ZNG1B: variants seen among roughly 807,000 people sequenced by gnomAD.
ZNG1B encodes Zn regulated GTPase metalloprotein activator 1B, also known as zinc-regulated GTPase metalloprotein activator 1B.
At chr2:113,494,946 A>C in the ZNG1B span, 1 of 891,010 alleles carries the variant, frequency 1.1e-6, no homozygotes, top group Non-Finnish European at 1.5e-6. Context: ...AATTAAAAAC[A>C]TTAAGAAACT....
At chr2:113,443,457 G>A in the ZNG1B span, among the ~76,000 whole-genome samples, 1,699 of 151,590 alleles carry the variant, frequency 0.011, 22 homozygotes, top group South Asian at 0.015. Context: ...CCCTGGACAA[G>A]AAAAAAATGC....
the ZNG1B span, chr2:113,445,589 T>C: frequency 6.7e-6 from 1 of 148,692 alleles, no homozygotes; most frequent in South Asian, 2.2e-4. Context: ...AAGGGAATCA[T>C]GACAGGGAAC....
chr2:113,475,597 C>T, the ZNG1B span, among the ~76,000 whole-genome samples: 30,395 of 149,740 alleles, frequency 0.2, 2,825 homozygotes, highest in East Asian at 0.47. Flanking sequence ...ATGGTCTTTA[C>T]ATTTTGGCAT....
At chr2:113,476,453 G>A in the ZNG1B span, among the ~76,000 whole-genome samples, 3 of 149,866 alleles carry the variant, frequency 2.0e-5, no homozygotes, top group Non-Finnish European at 4.4e-5. Context: ...CCATAGCTCG[G>A]AGTAGTTTGA....
the ZNG1B span, among the ~76,000 whole-genome samples, chr2:113,438,302 C>G: frequency 2.0e-5 from 3 of 152,196 alleles, no homozygotes; most frequent in Non-Finnish European, 4.4e-5. Context: ...CTGATTGTCT[C>G]TGTGACCTCC....
chr2:113,471,526 C>A, the ZNG1B span, among the ~76,000 whole-genome samples: 5 of 151,216 alleles, frequency 3.3e-5, no homozygotes, highest in Non-Finnish European at 7.4e-5. Flanking sequence ...TACATGTGCA[C>A]AATGTGCAGG....
At chr2:113,480,252 C>A in the ZNG1B span, among the ~76,000 whole-genome samples, 1 of 150,876 alleles carries the variant, frequency 6.6e-6, no homozygotes, top group East Asian at 2.0e-4. Flanking sequence ...GTGATCCTCC[C>A]ATCTCAGCCT....
chr2:113,458,154 A>T, the ZNG1B span, among the ~76,000 whole-genome samples: 685 of 151,836 alleles, frequency 4.5e-3, 8 homozygotes, highest in Middle Eastern at 0.01. Flanking sequence ...GAATGCCAAA[A>T]TTTCCATTTT....
At chr2:113,462,317 T>A in the ZNG1B span, 3 of 1,355,448 alleles carry the variant, frequency 2.2e-6, no homozygotes, top group Middle Eastern at 2.2e-4. Flanking sequence ...TTATTTATTT[T>A]TAATTTGTTA....
At chr2:113,438,348 C>T in the ZNG1B span, among the ~76,000 whole-genome samples, 8,411 of 152,082 alleles carry the variant, frequency 0.055, 801 homozygotes, top group African/African-American at 0.19. Flanking sequence ...GCTCATCTAC[C>T]TCACCTGAAA....
chr2:113,470,044 T>C, the ZNG1B span: 2 of 150,220 alleles, frequency 1.3e-5, no homozygotes, highest in Non-Finnish European at 3.0e-5. Flanking sequence ...CAGGCTGGAG[T>C]GCAGTGGTGC....
At chr2:113,453,505 G>C in the ZNG1B span, among the ~76,000 whole-genome samples, 1 of 150,646 alleles carries the variant, frequency 6.6e-6, no homozygotes, top group Non-Finnish European at 1.5e-5. Flanking sequence ...CGCCAGCCTC[G>C]GCCTCCCAAA....
At chr2:113,483,854 A>G in the ZNG1B span, among the ~76,000 whole-genome samples, 17 of 152,338 alleles carry the variant, frequency 1.1e-4, no homozygotes, top group African/African-American at 3.6e-4. Context: ...TCCAGACACT[A>G]TGTCACTTTA....
the ZNG1B span, among the ~76,000 whole-genome samples, chr2:113,474,115 C>T: frequency 1.3e-5 from 2 of 151,802 alleles, no homozygotes; most frequent in Non-Finnish European, 2.9e-5. Context: ...TCTATCTGGT[C>T]CTGGACTCTT....
At chr2:113,452,988 A>T in the ZNG1B span, 31 of 1,412,732 alleles carry the variant, frequency 2.2e-5, no homozygotes, top group African/African-American at 3.8e-4. Flanking sequence ...CCCTTTTGCT[A>T]TAAATAGTGA....
At chr2:113,487,006 A>ATAT in the ZNG1B span, among the ~76,000 whole-genome samples, 2 of 144,238 alleles carry the variant, frequency 1.4e-5, no homozygotes, top group Non-Finnish European at 1.5e-5. Flanking sequence ...TAAAAAGTGC[A>ATAT]TATTATTATT....
chr2:113,459,707 T>C, the ZNG1B span, among the ~76,000 whole-genome samples: 4 of 151,412 alleles, frequency 2.6e-5, no homozygotes, highest in African/African-American at 9.7e-5. Context: ...ATTCAAGGAT[T>C]TAATTCATTT....
chr2:113,487,030 AAAAT>A, the ZNG1B span, among the ~76,000 whole-genome samples: 1 of 149,808 alleles, frequency 6.7e-6, no homozygotes, highest in Non-Finnish European at 1.5e-5. Context: ...TTATGCTATA[AAAAT>A]AGTTTTAAAA....
the ZNG1B span, among the ~76,000 whole-genome samples, chr2:113,442,770 C>A: frequency 6.6e-6 from 1 of 152,042 alleles, no homozygotes; most frequent in African/African-American, 2.4e-5. Context: ...ATAAAAAATA[C>A]GTAAGTGTAA....
Sources: allele counts gnomAD v4.1 joint callset (sites outside exome capture counted in the v4.1 genomes callset), GRCh38; gene constraint gnomAD v4.1.1; transcripts MANE v1.5; gene names NCBI Gene and HGNC (gene_info 2026-07-23, HGNC 2026-07-21).